Variants in TLN2 observed in about 807,000 individuals in gnomAD.
TLN2 encodes talin 2, also known as talin-2.
In TLN2, 118 loss-of-function variants were observed where a neutral mutation model predicts 294.7. The ratio of observed to expected loss-of-function variants is 0.40; its 90% confidence interval spans 0.34 to 0.47. The LOEUF is 0.47. Among genes scored for constraint, TLN2 ranks in the 20% least tolerant of loss-of-function variants. The probability of loss-of-function intolerance (pLI) is 0.84; values close to 1 mark genes in which losing one functional copy is unlikely to be tolerated. For missense variants in TLN2, 3,083 were observed against 3,282.2 expected (o/e 0.94, Z 1.48); for synonymous variants, 1,431 against 1,304.5 (o/e 1.10, Z -2.09).
At chr15:62,645,400 GA>G (rs1043670857) in intron 3 of TLN2, 2 of 152,190 alleles carry the variant, frequency 1.3e-5, no homozygotes, top group Non-Finnish European at 2.9e-5. Flanking sequence ...CTCAACTAAG[GA>G]ATAGTTTCAC....
At position 62,540,133 on chromosome 15, in the gene TLN2, A is replaced by G. The variant is rs938915188; in HGVS notation, c.-237-49554A>G. Among the ~76,000 whole-genome samples, 5 of 152,252 alleles carry G rather than the reference A, an allele frequency of 3.3e-5. No individual in the cohort carries two copies. In the East Asian group the frequency reaches 9.7e-4, roughly 29 times the overall value. ...GGTGGGTGGATCACCTGAGGTCAGG[A>G]GTTCGAGACCAGCCTGGCCAACATG... On this transcript the variant is annotated intron_variant, in intron 1 of 58. Transcript: ENST00000636159.
At chr15:62,771,832 C>T (rs930669402) in intron 42 of TLN2, among the ~76,000 whole-genome samples, 2 of 152,184 alleles carry the variant, frequency 1.3e-5, no homozygotes, top group African/African-American at 4.8e-5. Flanking sequence ...TTCCACATTG[C>T]GGACTTCAGT....
chr15:62,416,573 G>T lies in TLN2; in HGVS notation c.-238+25888G>T, dbSNP rs113597608. 5.9e-3 allele frequency among the ~76,000 whole-genome samples: 895 copies of T among 152,304 alleles called. 7 individuals carry two copies. Among genetic ancestry groups the T allele is most frequent in the African/African-American group, 0.021 (856 of 41,562 alleles). Reference sequence around the variant, plus strand: ...ATCTTTGAGGCTGGAGGTAGGGTTTGCAATTTGGAGTCAGGTGACAGCTGA... The same window carrying T: ...ATCTTTGAGGCTGGAGGTAGGGTTTTCAATTTGGAGTCAGGTGACAGCTGA... On this transcript the variant is annotated intron_variant, in intron 1 of 58. Coordinates refer to ENST00000636159, the MANE Select transcript of TLN2 (RefSeq NM_015059.3).
At chr15:62,589,471 C>T (rs897374398) in intron 1 of TLN2, among the ~76,000 whole-genome samples, 1 of 152,124 alleles carries the variant, frequency 6.6e-6, no homozygotes, top group African/African-American at 2.4e-5. Context: ...GTCTCTCTGC[C>T]AGCAGTAACA....
intron 54 of TLN2, chr15:62,831,290 T>A (rs955897908): frequency 6.6e-6 from 1 of 151,916 alleles, no homozygotes; most frequent in African/African-American, 2.4e-5. Flanking sequence ...GTGAGAGACT[T>A]CAGGAGCCGC....
intron 42 of TLN2, among the ~76,000 whole-genome samples, chr15:62,772,655 A>G (rs576341868): frequency 3.2e-3 from 287 of 90,408 alleles, no homozygotes; most frequent in Non-Finnish European, 4.0e-3. Flanking sequence ...AGTTTTCTGG[A>G]TTTATTTATT....
chr15:62,711,886 C>T (rs1258308509), intron 21 of TLN2, 25 bp from the exon 22 acceptor site: 2 of 1,587,348 alleles, frequency 1.3e-6, no homozygotes, highest in Admixed American at 1.7e-5. Context: ...GACAAACAGA[C>T]CTCATCCTCT....
intron 47 of TLN2, among the ~76,000 whole-genome samples, chr15:62,796,821 C>T (rs185023500): frequency 6.6e-6 from 1 of 152,330 alleles, no homozygotes. Context: ...TTCCCAAGCC[C>T]AGCCTCTGAT....
Position 62,727,128 on chromosome 15 carries a change from G to A in TLN2, c.3297G>A (p.Ala1099=), listed in dbSNP as rs147953515. The A allele has an allele frequency of 2.4e-5, 38 of 1,614,196 alleles. No homozygotes were observed. In the African/African-American group the frequency reaches 2.8e-4, roughly 12 times the overall value. The change falls in exon 28 of 59, where the codon GCG becomes GCA. Residue 1099 remains alanine, a synonymous_variant. Coordinates refer to ENST00000636159, the MANE Select transcript of TLN2 (RefSeq NM_015059.3). ...CAQDLGSTSK[A]VGSSMAQLLT... is the part of the protein sequence containing the mutation. ...AGGACCTGGGAAGCACATCCAAGGC[G>A]GTGGGCTCCTCCATGGCACAGCTGC... is the stretch of plus-strand genomic sequence containing the variant.
At position 62,653,288 on chromosome 15, in the gene TLN2, A is replaced by G. The variant is rs753884519; in HGVS notation, c.491A>G (p.Lys164Arg). 6.2e-7 allele frequency: 1 copy of G among 1,613,764 alleles called. No homozygotes were observed. Among genetic ancestry groups the G allele is most frequent in the Non-Finnish European group, 8.5e-7 (1 of 1,179,908 alleles). The change falls in exon 7 of 59, where the codon AAG (lysine) becomes AGG (arginine). Residue 164 changes from lysine (K) to arginine (R), a missense_variant. By Grantham distance (26) the Lys-to-Arg change is conservative. Transcript: ENST00000636159. ...GATGAGAGGAAAATGGAGAAGTTGA[A>G]GGCCAAGCTGCACACAGATGATGAC... is the stretch of plus-strand genomic sequence containing the variant. ...LRDERKMEKL[K>R]AKLHTDDDLN... is the part of the protein sequence containing the mutation.
chr15:62,495,376 G>T (rs1212557504), intron 1 of TLN2, among the ~76,000 whole-genome samples: 1 of 152,156 alleles, frequency 6.6e-6, no homozygotes, highest in Non-Finnish European at 1.5e-5. Flanking sequence ...TAGAGAGGGG[G>T]CAGAACATGA....
chr15:62,621,630 A>G (rs1204728391), intron 3 of TLN2, among the ~76,000 whole-genome samples: 1 of 152,156 alleles, frequency 6.6e-6, no homozygotes, highest in Admixed American at 6.5e-5. Flanking sequence ...AGAGGTACTT[A>G]TATGTTTGAG....
chr15:62,540,947 C>G (rs2041649419), intron 1 of TLN2, among the ~76,000 whole-genome samples: 1 of 152,146 alleles, frequency 6.6e-6, no homozygotes, highest in Non-Finnish European at 1.5e-5. Flanking sequence ...TGTTATTCCA[C>G]TGAGGTTTGC....
chr15:62,658,052 G>A, intron 9 of TLN2, 154 bp downstream of exon 9: 1 of 696,268 alleles, frequency 1.4e-6, no homozygotes, highest in African/African-American at 1.8e-5. Context: ...GACCAAATTT[G>A]CAGATTTTGG....
At chr15:62,406,706 C>T (rs1198824676) in intron 1 of TLN2, among the ~76,000 whole-genome samples, 1 of 152,144 alleles carries the variant, frequency 6.6e-6, no homozygotes, top group East Asian at 1.9e-4. Flanking sequence ...GTGGGCATGT[C>T]CAACTGAAAG....
At chr15:62,693,191 G>A (rs966552848) in intron 13 of TLN2, among the ~76,000 whole-genome samples, 2 of 152,126 alleles carry the variant, frequency 1.3e-5, no homozygotes, top group African/African-American at 4.8e-5. Context: ...AGTTAGCCGG[G>A]CGTGGTGGCA....
At chr15:62,566,500 A>T (rs2043404905) in intron 1 of TLN2, among the ~76,000 whole-genome samples, 1 of 151,336 alleles carries the variant, frequency 6.6e-6, no homozygotes, top group Admixed American at 6.6e-5. Flanking sequence ...AAATAGAGGG[A>T]TGTGCATGGG....
chr15:62,443,148 A>G (rs1031289754), intron 1 of TLN2, among the ~76,000 whole-genome samples: 4 of 152,224 alleles, frequency 2.6e-5, no homozygotes, highest in Admixed American at 1.3e-4. Flanking sequence ...GCCATGTAAG[A>G]TACCATTCAC....
At chr15:62,647,560 A>T in intron 4 of TLN2, 114 bp downstream of exon 4, 1 of 1,405,846 alleles carries the variant, frequency 7.1e-7, no homozygotes, top group Non-Finnish European at 9.8e-7. Flanking sequence ...CATATGTTTC[A>T]AATGAAATAC....
Sources: gnomAD v4.1 joint callset for allele counts (sites outside exome capture counted in the v4.1 genomes callset) on GRCh38, gnomAD v4.1.1 for gene constraint, MANE v1.5 for transcripts, NCBI Gene and HGNC (gene_info 2026-07-23, HGNC 2026-07-21) for gene names.